Variants in SCN9A observed in about 807,000 individuals in gnomAD.
The protein encoded by SCN9A is sodium channel protein type 9 subunit alpha.
In SCN9A, 131 loss-of-function variants were observed where a neutral mutation model predicts 187.0. That is an observed-to-expected ratio of 0.70 (90% confidence interval 0.61 to 0.81). The LOEUF (loss-of-function observed/expected upper bound fraction) is 0.81. SCN9A is among the 30% of genes least tolerant of loss of function. SCN9A has a pLI of 0.00. For missense variants in SCN9A, 2,252 were observed against 2,396.6 expected, an observed-to-expected ratio of 0.94 and a Z score of 1.26; for synonymous variants, 809 against 808.6, an observed-to-expected ratio of 1.00 and a Z score of -0.01.
chr2:166,269,955 G>GA lies in SCN9A; in HGVS notation c.3351+2443dup, dbSNP rs151270911. The stretch of plus-strand genomic sequence containing the variant: ...TTTAAATGGGTGACAGAGTTAGTTA[G>GA]AAAAAAATAGGTGACTGAGTTAGTT... On this transcript the variant is annotated intron_variant, in intron 17 of 26. Transcript: ENST00000642356. Among the ~76,000 whole-genome samples, 366 of 152,006 alleles carry GA rather than the reference G, an allele frequency of 2.4e-3. 4 individuals carry two copies. Among genetic ancestry groups the GA allele is most frequent in the African/African-American group, 8.6e-3 (359 of 41,508 alleles).
chr2:166,280,934 AT>A (rs1410948229), intron 13 of SCN9A, among the ~76,000 whole-genome samples: 2 of 152,100 alleles, frequency 1.3e-5, no homozygotes, highest in East Asian at 3.9e-4. Flanking sequence ...CAATATGCAT[AT>A]TTTTCACCTG....
intron 17 of SCN9A, among the ~76,000 whole-genome samples, chr2:166,258,208 A>G (rs1172578409): frequency 1.3e-5 from 2 of 151,526 alleles, no homozygotes; most frequent in African/African-American, 4.8e-5. Context: ...GTATGCTAAA[A>G]TTAAAATATA....
chr2:166,288,927 T>C (rs538641279), intron 9 of SCN9A, among the ~76,000 whole-genome samples: 1 of 152,138 alleles, frequency 6.6e-6, no homozygotes, highest in Non-Finnish European at 1.5e-5. Context: ...AAATTACTCA[T>C]AAAATTAAAT....
chr2:166,284,790 G>T lies in SCN9A; in HGVS notation c.1637C>A (p.Ala546Glu). Residue 546 changes from alanine to glutamate, a missense_variant, in exon 12 of 27, where the codon GCA (alanine) becomes GAA (glutamate). By Grantham distance (107) the Ala-to-Glu change is moderately radical (BLOSUM62 -1). Around this residue, in one of 7 missense-constraint regions of SCN9A, gnomAD observed 1,013 missense variants for 997.4 expected, o/e 1.02. Transcript: ENST00000642356. ...AAGACTTGTTCTGCTGCTTCGCCTT[G>T]CAGAAAACAAGGAGCCACGAATGCT... Reference protein sequence around the residue: ...PLSIRGSLFSARRSSRTSLFS... With the variant: ...PLSIRGSLFSERRSSRTSLFS... 1 of 1,612,612 alleles carries T rather than the reference G, an allele frequency of 6.2e-7. No individual in the cohort carries two copies. Among genetic ancestry groups the T allele is most frequent in the Non-Finnish European group, 8.5e-7 (1 of 1,179,666 alleles).
In SCN9A at chr2:166,281,861, G is replaced by A. The variant is rs1368257114; in HGVS notation, c.1975-53C>T. On this transcript the variant is annotated intron_variant, in intron 12 of 26. Transcript: ENST00000642356. ...AGAACAGAATCCTAATAAATTGTAGGTATAAGATAAAATCTTGCTTATATA... is the reference window on the plus strand; with the variant it reads ...AGAACAGAATCCTAATAAATTGTAGATATAAGATAAAATCTTGCTTATATA... 6.6e-6 allele frequency: 10 copies of A among 1,524,966 alleles called. No individual in the cohort carries two copies. In the East Asian group the frequency reaches 1.1e-4, roughly 17 times the overall value. The allele number at this position is 1,524,966 out of a possible 1,614,324, so 94.5% of individuals were successfully genotyped here.
At chr2:166,327,224 T>A (rs1018017126) in intron 1 of SCN9A, among the ~76,000 whole-genome samples, 16 of 152,158 alleles carry the variant, frequency 1.1e-4, no homozygotes, top group African/African-American at 3.9e-4. Context: ...AATACTGTGA[T>A]CACGGCTCAC....
chr2:166,232,109 G>T (rs1695111516), intron 21 of SCN9A, among the ~76,000 whole-genome samples: 1 of 152,104 alleles, frequency 6.6e-6, no homozygotes, highest in Non-Finnish European at 1.5e-5. Flanking sequence ...TTCCAGAACA[G>T]AGGCATAAAA....
chr2:166,257,336 T>G (rs1249138902), intron 17 of SCN9A, among the ~76,000 whole-genome samples: 1 of 151,666 alleles, frequency 6.6e-6, no homozygotes, highest in Non-Finnish European at 1.5e-5. Context: ...TCTATAATTT[T>G]GAAACAAACA....
intron 1 of SCN9A, among the ~76,000 whole-genome samples, chr2:166,351,500 T>C (rs568938831): frequency 6.6e-6 from 1 of 152,342 alleles, no homozygotes; most frequent in African/African-American, 2.4e-5. Flanking sequence ...CTTTATCTAA[T>C]GGATGTGATT....
At chr2:166,245,441 A>C (rs1164022389) in intron 18 of SCN9A, among the ~76,000 whole-genome samples, 3 of 151,978 alleles carry the variant, frequency 2.0e-5, no homozygotes, top group African/African-American at 7.2e-5. Flanking sequence ...ATGAACAAGA[A>C]GGACCAAGAG....
chr2:166,274,013 G>A (rs933619952), intron 16 of SCN9A, among the ~76,000 whole-genome samples: 4 of 152,080 alleles, frequency 2.6e-5, no homozygotes, highest in Non-Finnish European at 4.4e-5. Flanking sequence ...CCCTGAAATG[G>A]TTTAATAGTT....
intron 6 of SCN9A, among the ~76,000 whole-genome samples, chr2:166,303,609 A>G (rs1181482801): frequency 6.6e-6 from 1 of 152,208 alleles, no homozygotes; most frequent in Non-Finnish European, 1.5e-5. Context: ...CCACTTCTCT[A>G]TAAATGGCAC....
At chr2:166,344,213 A>G (rs1043547454) in intron 1 of SCN9A, among the ~76,000 whole-genome samples, 1 of 152,232 alleles carries the variant, frequency 6.6e-6, no homozygotes. Context: ...TAAATGAAGT[A>G]TAAGGTTAAA....
intron 25 of SCN9A, 23 bp downstream of exon 25, chr2:166,204,337 T>C (rs911582527): frequency 2.5e-6 from 4 of 1,576,418 alleles, no homozygotes; most frequent in African/African-American, 1.4e-5. Flanking sequence ...ATCTATATGC[T>C]AAAGATATAT....
At chr2:166,361,395 G>C (rs999400546) in intron 1 of SCN9A, among the ~76,000 whole-genome samples, 2 of 152,002 alleles carry the variant, frequency 1.3e-5, no homozygotes, top group African/African-American at 4.8e-5. Flanking sequence ...TAAAATGTAT[G>C]CTTATAGCAA....
chr2:166,196,253 T>C lies in SCN9A; in HGVS notation c.*2419A>G, dbSNP rs1693245000. 6.6e-6 allele frequency: 1 copy of C among 152,146 alleles called. No homozygotes were observed. Among genetic ancestry groups the C allele is most frequent in the Admixed American group, 6.5e-5 (1 of 15,272 alleles). The allele number at this position is 152,146 out of a possible 1,614,324, so 9.4% of individuals were successfully genotyped here. ...GAGGTCTAATTTTACTTCAAGCTTATACTTAATAAGCTCTTTCTTCCAAAT... is the reference window on the plus strand; with the variant it reads ...GAGGTCTAATTTTACTTCAAGCTTACACTTAATAAGCTCTTTCTTCCAAAT... On this transcript the variant is annotated 3_prime_UTR_variant, in exon 27 of 27. Coordinates refer to ENST00000642356, the MANE Select transcript of SCN9A (RefSeq NM_001365536.1).
chr2:166,253,825 T>C (rs1407081777), intron 17 of SCN9A, among the ~76,000 whole-genome samples: 1 of 151,744 alleles, frequency 6.6e-6, no homozygotes, highest in Non-Finnish European at 1.5e-5. Flanking sequence ...ATAGAAAGAA[T>C]ACAAAGCACC....
At chr2:166,294,727 G>A in intron 7 of SCN9A, 65 bp from the exon 8 acceptor site, 2 of 1,151,748 alleles carry the variant, frequency 1.7e-6, no homozygotes, top group African/African-American at 1.6e-5. Flanking sequence ...TGATAAAGGA[G>A]GTAAATTAAT....
intron 1 of SCN9A, among the ~76,000 whole-genome samples, chr2:166,338,956 C>G (rs528504065): frequency 1.3e-5 from 2 of 152,020 alleles, no homozygotes; most frequent in Non-Finnish European, 2.9e-5. Flanking sequence ...AAAAAGATAA[C>G]ATTAGAGGAA....
Sources: gnomAD v4.1 joint callset for allele counts (sites outside exome capture counted in the v4.1 genomes callset) on GRCh38, gnomAD v4.1.1 for gene constraint, gnomAD v4.1.1 regional missense constraint, MANE v1.5 for transcripts, NCBI Gene and HGNC (gene_info 2026-07-23, HGNC 2026-07-21) for gene names.